Variants in DDT observed in about 807,000 individuals in gnomAD.
DDT encodes the protein D-dopachrome tautomerase, also known as D-dopachrome decarboxylase.
In DDT, 4 loss-of-function variants were observed where a neutral mutation model predicts 2.5. The ratio of observed to expected loss-of-function variants is 1.59; its 90% CI spans 0.78 to 3.63. The LOEUF is 3.63. Among genes scored for constraint, DDT ranks in the 30% most tolerant of loss-of-function variants. DDT has a pLI of 0.01. For synonymous variants in DDT, 11 were observed against 10.0 expected (o/e 1.10, Z -0.19); for missense variants, 32 against 30.0 (o/e 1.07, Z -0.15).
chr22:23,972,806 C>T (rs1456839662), intron 2 of DDT: 1 of 319,598 alleles, frequency 3.1e-6, no homozygotes, highest in Non-Finnish European at 4.1e-6. Context: ...GCAATCATAG[C>T]TCACTGCAGC....
At chr22:23,972,105 G>T in intron 2 of DDT, 1 of 928,638 alleles carries the variant, frequency 1.1e-6, no homozygotes, top group Non-Finnish European at 1.3e-6. Flanking sequence ...ACTTGGGACA[G>T]CCTGGTTGGG....
At chr22:23,972,111 T>A (rs1008893621) in intron 2 of DDT, 1 of 951,966 alleles carries the variant, frequency 1.1e-6, no homozygotes, top group Non-Finnish European at 1.3e-6. Context: ...GACAGCCTGG[T>A]TGGGGCGGGC....
In DDT at chr22:23,972,763, G is replaced by A. The variant is rs900550633; in HGVS notation, c.284+1005C>T. ...CAGAAGGTCTTTTTTTGTGAGCCAA[G>A]GTCTCACTGTCACACAGGATGGAGT... On this transcript the variant is annotated intron_variant, in intron 2 of 2. Transcript: ENST00000398344. The A allele has an allele frequency of 1.5e-4, 104 of 677,158 alleles. No homozygotes were observed. In the African/African-American group the frequency reaches 2.2e-3, roughly 15 times the overall value. The allele number at this position is 677,158 out of a possible 1,614,324, so 41.9% of individuals were successfully genotyped here. A position where few individuals can be genotyped will look rare whatever the true frequency, so the allele number is the denominator to read the frequency against.
intron 2 of DDT, chr22:23,972,519 G>A (rs1247713854): frequency 3.9e-6 from 1 of 255,492 alleles, no homozygotes; most frequent in Non-Finnish European, 6.5e-6. Context: ...TATTGTTTAG[G>A]GAATAATGAC....
chr22:23,971,603 G>C lies in DDT; in HGVS notation c.305C>G (p.Pro102Arg). Residue 102 changes from proline to arginine, a missense_variant, in exon 3 of 3, where the codon CCC becomes CGC. Pro to Arg is a moderately radical substitution (Grantham distance 103). Transcript: ENST00000398344. ...CTTGCCAATCTGCCAGGACTCCAAG[G>C]GGAAAAAGCGGATAAGTATCCTTCA... ...GQDRILIRFF[P>R]LESWQIGKIG... 1 of 1,613,966 alleles carries C rather than the reference G, an allele frequency of 6.2e-7. No homozygotes were observed. The highest frequency in any genetic ancestry group is 1.1e-5 in the South Asian group (1 of 91,070).
rs1300860564 is a variant in DDT at position 23,971,634 on chromosome 22, C to T, written c.285-11G>A. On this transcript the variant is annotated splice_polypyrimidine_tract_variant and intron_variant, in intron 2 of 2. Transcript: ENST00000398344. ...AAGCGGATAAGTATCCTTCAGGAGACAGAGAAAAAGATATCATCAGCTCCT... is the reference window on the plus strand; with the variant it reads ...AAGCGGATAAGTATCCTTCAGGAGATAGAGAAAAAGATATCATCAGCTCCT... 8 of 1,601,784 alleles carry T rather than the reference C, an allele frequency of 5.0e-6. No homozygotes were observed. Among genetic ancestry groups the T allele is most frequent in the South Asian group, 1.1e-5 (1 of 90,786 alleles).
chr22:23,972,198 T>C (rs2146210570), intron 2 of DDT: 1 of 888,578 alleles, frequency 1.1e-6, no homozygotes, highest in South Asian at 5.2e-5. Flanking sequence ...ATAGCATGTC[T>C]TGTCTGAGCA....
intron 2 of DDT, chr22:23,972,269 GA>G: frequency 1.1e-6 from 1 of 949,212 alleles, no homozygotes; most frequent in Non-Finnish European, 1.3e-6. Flanking sequence ...AGTACCTGTA[GA>G]GGACCTAGCA....
chr22:23,971,443 G>C lies in DDT; in HGVS notation c.*108C>G. The C allele has an allele frequency of 6.2e-7, 1 of 1,609,342 alleles. No individual in the cohort carries two copies. Among genetic ancestry groups the C allele is most frequent in the Non-Finnish European group, 8.5e-7 (1 of 1,177,026 alleles). On this transcript the variant is annotated 3_prime_UTR_variant, in exon 3 of 3. Transcript: ENST00000398344. Reference sequence around the variant, plus strand: ...AGGATTATGTGATCACAGGAATGTTGCATGCGGGATAATCCAAAGCTGGTT... The same window carrying C: ...AGGATTATGTGATCACAGGAATGTTCCATGCGGGATAATCCAAAGCTGGTT...
intron 2 of DDT, chr22:23,972,117 C>T (rs1235463105): frequency 6.2e-6 from 6 of 960,990 alleles, no homozygotes; most frequent in East Asian, 1.2e-4. Flanking sequence ...CTGGTTGGGG[C>T]GGGCGGGAGT....
At chr22:23,975,516 AC>A (rs2033944615), upstream of DDT, among the ~76,000 whole-genome samples, 1 of 150,586 alleles carries the variant, frequency 6.6e-6, no homozygotes, top group Non-Finnish European at 1.5e-5. Flanking sequence ...TGTGGCTCAC[AC>A]CTGTAATCTC....
intron 2 of DDT, 174 bp from the exon 3 acceptor site, chr22:23,971,797 T>C: frequency 1.6e-6 from 1 of 634,136 alleles, no homozygotes; most frequent in East Asian, 2.7e-5. Context: ...AGCAGGGCAG[T>C]GGGACACTCA....
At position 23,971,552 on chromosome 22, in the gene DDT, C is replaced by T; in HGVS notation, c.356G>A (p.Ter119=). Residue 119 remains the stop codon, a stop_retained_variant, in exon 3 of 3, where the codon TGA becomes TAA. Coordinates refer to ENST00000398344, the MANE Select transcript of DDT (RefSeq NM_001084392.3). The part of the protein sequence containing the change: ...GKIGTVMTFL[*] ...TGCCCTGGATCCCTCCGTGCCCAAT[C>T]ATAAAAAAGTCATGACCGTCCCTAT... 6.2e-7 allele frequency: 1 copy of T among 1,614,034 alleles called. No individual in the cohort carries two copies. Among genetic ancestry groups the T allele is most frequent in the Non-Finnish European group, 8.5e-7 (1 of 1,179,956 alleles).
At chr22:23,975,614 A>G (rs1601560768), upstream of DDT, among the ~76,000 whole-genome samples, 1 of 24,296 alleles carries the variant, frequency 4.1e-5, no homozygotes, top group Non-Finnish European at 8.2e-5. Context: ...TCTCTTCTTT[A>G]TTTTCTACAA....
Position 23,971,451 on chromosome 22 carries a change from G to A in DDT, c.*100C>T. 6.2e-7 allele frequency: 1 copy of A among 1,608,262 alleles called. No individual in the cohort carries two copies. On this transcript the variant is annotated 3_prime_UTR_variant, in exon 3 of 3. Coordinates refer to ENST00000398344, the MANE Select transcript of DDT (RefSeq NM_001084392.3). ...GTGATCACAGGAATGTTGCATGCGGGATAATCCAAAGCTGGTTATCTCCAG... is the reference window on the plus strand; with the variant it reads ...GTGATCACAGGAATGTTGCATGCGGAATAATCCAAAGCTGGTTATCTCCAG...
chr22:23,971,824 G>A (rs551650093), intron 2 of DDT: 29 of 590,308 alleles, frequency 4.9e-5, no homozygotes, highest in South Asian at 3.5e-4. Context: ...GGAGGTAGCC[G>A]CACATCATGA....
At chr22:23,971,882 TAC>T (rs1601559432) in intron 2 of DDT, 1 of 465,772 alleles carries the variant, frequency 2.1e-6, no homozygotes, top group Non-Finnish European at 3.8e-6. Flanking sequence ...GTGTGTGCCG[TAC>T]ACTCTATCAT....
chr22:23,971,567 A>AC lies in DDT; in HGVS notation c.340dup (p.Val114GlyfsTer57). The AC allele has an allele frequency of 6.2e-7, 1 of 1,614,054 alleles. No homozygotes were observed. On this transcript the variant is annotated frameshift_variant, in exon 3 of 3. Coordinates refer to ENST00000398344, the MANE Select transcript of DDT (RefSeq NM_001084392.3). LOFTEE classifies it high-confidence loss of function. The stretch of plus-strand genomic sequence containing the variant: ...CGTGCCCAATCATAAAAAAGTCATG[A>AC]CCGTCCCTATCTTGCCAATCTGCCA...
chr22:23,972,269 G>A (rs935170738), intron 2 of DDT: 1 of 949,212 alleles, frequency 1.1e-6, no homozygotes. Flanking sequence ...AGTACCTGTA[G>A]AGGACCTAGC....
Sources: allele counts gnomAD v4.1 joint callset (sites outside exome capture counted in the v4.1 genomes callset), GRCh38; gene constraint gnomAD v4.1.1; transcripts MANE v1.5; gene names NCBI Gene and HGNC (gene_info 2026-07-23, HGNC 2026-07-21).